Variants in EGFR observed in about 807,000 individuals in gnomAD.
EGFR encodes avian erythroblastic leukemia viral (v-erb-b) oncogene homolog.
EGFR carries 58 observed loss-of-function variants against 143.0 expected under a neutral mutation model. The observed-to-expected ratio is 0.41, with a 90% confidence interval of 0.33 to 0.50. The LOEUF is 0.50. EGFR is among the 20% of genes least tolerant of loss of function. The pLI is 0.39. For missense variants in EGFR, 1,307 were observed against 1,579.0 expected (o/e 0.83, Z 2.92); for synonymous variants, 613 against 594.4 (o/e 1.03, Z -0.45).
intron 20 of EGFR, chr7:55,182,296 C>G (rs1241943409): frequency 6.6e-6 from 1 of 152,554 alleles, no homozygotes; most frequent in Non-Finnish European, 1.5e-5. Context: ...CCCGTCATCT[C>G]TCTCCGACAG....
intron 1 of EGFR, among the ~76,000 whole-genome samples, chr7:55,136,392 C>T (rs1468514425): frequency 6.6e-6 from 1 of 152,216 alleles, no homozygotes; most frequent in Non-Finnish European, 1.5e-5. Flanking sequence ...AGCCCACCTC[C>T]TCCTCTATCT....
chr7:55,082,620 T>G (rs568555713), intron 1 of EGFR, among the ~76,000 whole-genome samples: 1 of 152,302 alleles, frequency 6.6e-6, no homozygotes, highest in Non-Finnish European at 1.5e-5. Flanking sequence ...CATGGTTCAT[T>G]TTCGCTCCAG....
intron 1 of EGFR, among the ~76,000 whole-genome samples, chr7:55,049,896 C>T (rs1788388681): frequency 6.6e-6 from 1 of 152,116 alleles, no homozygotes. Flanking sequence ...CATGACCTCA[C>T]ATCTGTGGGC....
chr7:55,204,873 A>G (rs922030963), intron 27 of EGFR, among the ~76,000 whole-genome samples: 4 of 148,716 alleles, frequency 2.7e-5, no homozygotes, highest in Admixed American at 1.4e-4. Context: ...ACACACACAT[A>G]CAAATATACA....
rs1325176929 is a variant in EGFR at position 55,208,462 on chromosome 7, T to A, written c.*2845T>A. The A allele has an allele frequency of 1.3e-5, 2 of 152,208 alleles. No individual in the cohort carries two copies. Among genetic ancestry groups the A allele is most frequent in the Non-Finnish European group, 2.9e-5 (2 of 68,076 alleles). 9.4% of individuals were successfully genotyped at this position (152,208 alleles called of 1,614,324 possible). ...CTTACCCCATGACCCCAGCTTCAGATGTGGTCTTTGGAAACAGAGGTCGAA... is the reference window on the plus strand; with the variant it reads ...CTTACCCCATGACCCCAGCTTCAGAAGTGGTCTTTGGAAACAGAGGTCGAA... On this transcript the variant is annotated 3_prime_UTR_variant, in exon 28 of 28. Transcript: ENST00000275493.
At chr7:55,164,574 T>C (rs1019026776) in intron 14 of EGFR, among the ~76,000 whole-genome samples, 5 of 152,210 alleles carry the variant, frequency 3.3e-5, no homozygotes, top group Non-Finnish European at 7.3e-5. Flanking sequence ...TAATTGGCGA[T>C]ATTGACATAG....
At chr7:55,068,308 T>A (rs565166575) in intron 1 of EGFR, among the ~76,000 whole-genome samples, 7 of 152,332 alleles carry the variant, frequency 4.6e-5, no homozygotes, top group African/African-American at 1.4e-4. Flanking sequence ...GTTGAAATTG[T>A]TTTCTGAAAA....
intron 1 of EGFR, among the ~76,000 whole-genome samples, chr7:55,085,801 C>T (rs1790719116): frequency 6.6e-6 from 1 of 152,184 alleles, no homozygotes; most frequent in Non-Finnish European, 1.5e-5. Context: ...TCAGCTCGTT[C>T]TCACATCAGC....
chr7:55,129,551 G>C (rs1480731129), intron 1 of EGFR, among the ~76,000 whole-genome samples: 1 of 152,188 alleles, frequency 6.6e-6, no homozygotes, highest in East Asian at 1.9e-4. Flanking sequence ...TAGAGTATGG[G>C]AAGGCAGGGG....
In EGFR at chr7:55,100,968, C is replaced by T. The variant is rs1791781395; in HGVS notation, c.89-41318C>T. 2.0e-5 allele frequency among the ~76,000 whole-genome samples: 3 copies of T among 152,378 alleles called. No individual in the cohort carries two copies. In the South Asian group the frequency reaches 6.2e-4, roughly 32 times the overall value. ...AATACCAGTGTCGGCGTCCCTGCCT[C>T]ACCTTTACCTGGTGCTTTTCCACCA... On this transcript the variant is annotated intron_variant, in intron 1 of 27. Transcript: ENST00000275493.
chr7:55,039,080 A>G (rs1328709729), intron 1 of EGFR, among the ~76,000 whole-genome samples: 6 of 151,978 alleles, frequency 3.9e-5, no homozygotes, highest in Admixed American at 1.3e-4. Flanking sequence ...ATGCTACTCA[A>G]TTGGAACCCA....
intron 1 of EGFR, among the ~76,000 whole-genome samples, chr7:55,108,350 C>T (rs17289392): frequency 1.9e-4 from 29 of 152,314 alleles, no homozygotes; most frequent in Admixed American, 9.8e-4. Context: ...CCCTGGGTGC[C>T]GGTGTGCAGA....
intron 1 of EGFR, among the ~76,000 whole-genome samples, chr7:55,099,021 C>A (rs1384069276): frequency 6.6e-6 from 1 of 152,206 alleles, no homozygotes; most frequent in East Asian, 1.9e-4. Flanking sequence ...TCTTCATAAA[C>A]GTCCATGTTT....
intron 1 of EGFR, among the ~76,000 whole-genome samples, chr7:55,054,738 G>A (rs73696516): frequency 6.6e-6 from 1 of 152,324 alleles, no homozygotes; most frequent in African/African-American, 2.4e-5. Context: ...GCAGCACCGT[G>A]CCTCCGTTCA....
chr7:55,157,655 C>A lies in EGFR; in HGVS notation c.1208-8C>A. 3 of 1,613,908 alleles carry A rather than the reference C, an allele frequency of 1.9e-6. No individual in the cohort carries two copies. The highest frequency in any genetic ancestry group is 2.5e-6 in the Non-Finnish European group (3 of 1,179,800). On this transcript the variant is annotated splice_region_variant and splice_polypyrimidine_tract_variant and intron_variant, in intron 10 of 27. Coordinates refer to ENST00000275493, the MANE Select transcript of EGFR (RefSeq NM_005228.5). ...GTGTGTGTCTGAAGTCTTTCATCTG[C>A]CTTACAGGGTTTTTGCTGATTCAGG...
intron 13 of EGFR, among the ~76,000 whole-genome samples, chr7:55,162,792 C>A (rs954464819): frequency 2.0e-5 from 3 of 152,158 alleles, no homozygotes; most frequent in African/African-American, 7.2e-5. Flanking sequence ...AAGGCACACA[C>A]TTTTTTGTTG....
intron 14 of EGFR, among the ~76,000 whole-genome samples, chr7:55,164,083 G>T (rs372277081): frequency 6.6e-6 from 1 of 152,122 alleles, no homozygotes; most frequent in Non-Finnish European, 1.5e-5. Context: ...CACATTTAAC[G>T]GAGGCTGTTT....
At chr7:55,170,497 G>T in intron 15 of EGFR, 1 of 1,613,938 alleles carries the variant, frequency 6.2e-7, no homozygotes, top group Non-Finnish European at 8.5e-7. Context: ...CCACCTCCAT[G>T]CCTGGCCTTC....
At chr7:55,138,372 T>C (rs1311555405) in intron 1 of EGFR, among the ~76,000 whole-genome samples, 2 of 152,238 alleles carry the variant, frequency 1.3e-5, no homozygotes, top group Non-Finnish European at 2.9e-5. Flanking sequence ...TTCAAATGTA[T>C]AGACTTAAAG....
Sources: gnomAD v4.1 joint callset for allele counts (sites outside exome capture counted in the v4.1 genomes callset) on GRCh38, gnomAD v4.1.1 for gene constraint, MANE v1.5 for transcripts, NCBI Gene and HGNC (gene_info 2026-07-23, HGNC 2026-07-21) for gene names.